LRRN1: variants seen among roughly 807,000 people sequenced by gnomAD.
LRRN1 encodes the protein leucine-rich repeat neuronal protein 1.
A neutral mutation model predicts 45.8 loss-of-function variants in LRRN1; 14 were observed. That is an observed-to-expected ratio of 0.31 (90% CI 0.20 to 0.48). The LOEUF (loss-of-function observed/expected upper bound fraction) is 0.48, where lower values mean the gene tolerates loss of function less well. LRRN1 is among the 20% of genes least tolerant of loss of function. The probability of loss-of-function intolerance (pLI) is 0.99; values close to 1 mark genes in which losing one functional copy is unlikely to be tolerated. For synonymous variants in LRRN1, 359 were observed against 330.1 expected, an observed-to-expected ratio of 1.09 and a Z score of -0.95; for missense variants, 789 against 874.2, an observed-to-expected ratio of 0.90 and a Z score of 1.23.
chr3:3,815,289 C>G (rs539680829), intron 1 of LRRN1, among the ~76,000 whole-genome samples: 8 of 152,152 alleles, frequency 5.3e-5, no homozygotes, highest in Non-Finnish European at 7.4e-5. Context: ...AGTGTGATGT[C>G]TCTGAACTCA....
rs1559314286 is a variant in LRRN1 at position 3,845,838 on chromosome 3, T to C, written c.1197T>C (p.Cys399=). 1.2e-6 allele frequency: 2 copies of C among 1,614,138 alleles called. No homozygotes were observed. The highest frequency in any genetic ancestry group is 1.7e-6 in the Non-Finnish European group (2 of 1,180,024). ...IRFMEPLSMF[C]AMPPEYKGHQ... is the part of the protein sequence containing the mutation. ...TCATGGAGCCCCTGTCCATGTTCTG[T>C]GCCATGCCGCCCGAATATAAAGGGC... Residue 399 remains cysteine (C), a synonymous_variant, in exon 2 of 2, where the codon TGT becomes TGC. Coordinates refer to ENST00000319331, the MANE Select transcript of LRRN1 (RefSeq NM_020873.7). This position sits in a 1 kb window ranked among gnomAD's most constrained non-coding sequence, Gnocchi z 6.5.
In LRRN1 at chr3:3,816,644, C is replaced by T. The variant is rs1220198757; in HGVS notation, c.-279+16725C>T. Among the ~76,000 whole-genome samples the T allele has an allele frequency of 6.6e-6, 1 of 152,030 alleles. No individual in the cohort carries two copies. The highest frequency in any genetic ancestry group is 1.9e-4 in the East Asian group (1 of 5,180). On this transcript the variant is annotated intron_variant, in intron 1 of 1. Transcript: ENST00000319331. The surrounding 1 kb of genome is among the most constrained non-coding windows in gnomAD (Gnocchi z 4.0). The stretch of plus-strand genomic sequence containing the variant: ...ATTAAAGGCAAAAATATAGGTATTA[C>T]AATTTGAAACTATAAAAGCTTTCTA...
intron 1 of LRRN1, among the ~76,000 whole-genome samples, chr3:3,829,728 G>C (rs1180122829): frequency 6.6e-6 from 1 of 152,168 alleles, no homozygotes; most frequent in African/African-American, 2.4e-5. Context: ...TGAGTGTCTT[G>C]GTCAGAGGCA....
At chr3:3,825,028 T>C (rs1693187664) in intron 1 of LRRN1, among the ~76,000 whole-genome samples, 1 of 152,204 alleles carries the variant, frequency 6.6e-6, no homozygotes, top group African/African-American at 2.4e-5. Context: ...GACTCTGAGG[T>C]CGACGTTATT....
chr3:3,814,445 C>T (rs1260676253), intron 1 of LRRN1, among the ~76,000 whole-genome samples: 1 of 151,918 alleles, frequency 6.6e-6, no homozygotes, highest in East Asian at 1.9e-4. Flanking sequence ...GTTCTGCATC[C>T]TGCGGTAGCT....
chr3:3,834,527 TATATATATATATATATATATATATATG>T (rs1002463339), intron 1 of LRRN1, among the ~76,000 whole-genome samples: 5 of 66,622 alleles, frequency 7.5e-5, no homozygotes, highest in Admixed American at 3.0e-4. Flanking sequence ...CAGAACAGGA[TATATATATATATATATATATATATATG>T]ATATATATAT....
chr3:3,836,737 G>C (rs1268090883), intron 1 of LRRN1, among the ~76,000 whole-genome samples: 2 of 152,184 alleles, frequency 1.3e-5, no homozygotes, highest in African/African-American at 4.8e-5. Flanking sequence ...ACAAAAAGGA[G>C]TGGGATATGG....
chr3:3,846,309 G>C lies in LRRN1; in HGVS notation c.1668G>C (p.Trp556Cys). 10 of 1,613,928 alleles carry C rather than the reference G, an allele frequency of 6.2e-6. No individual in the cohort carries two copies. Among genetic ancestry groups the C allele is most frequent in the Non-Finnish European group, 8.5e-6 (10 of 1,179,994 alleles). The change falls in exon 2 of 2, where the codon TGG (tryptophan) becomes TGC (cysteine). Residue 556 changes from tryptophan to cysteine, a missense_variant. Physicochemically the swap from Trp to Cys is radical, Grantham distance 215. Coordinates refer to ENST00000319331, the MANE Select transcript of LRRN1 (RefSeq NM_020873.7). The surrounding 1 kb of genome is among the most constrained non-coding windows in gnomAD (Gnocchi z 5.7). The stretch of plus-strand genomic sequence containing the variant: ...ATGTCATGACGTCAAACTTAAAATG[G>C]TCGTCTGCCACCATGAAGATTGATA... ...NSNVMTSNLK[W>C]SSATMKIDNP...
chr3:3,822,012 C>T (rs1443753523), intron 1 of LRRN1, among the ~76,000 whole-genome samples: 4 of 152,284 alleles, frequency 2.6e-5, no homozygotes, highest in Middle Eastern at 3.4e-3. Flanking sequence ...CCTGCCCAGA[C>T]GGATTGGGAT....
In LRRN1 at chr3:3,815,414, A is replaced by G. The variant is rs575168763; in HGVS notation, c.-279+15495A>G. 7.2e-4 allele frequency among the ~76,000 whole-genome samples: 109 copies of G among 152,228 alleles called. 1 individual carries two copies. The highest frequency in any genetic ancestry group is 2.5e-3 in the African/African-American group (104 of 41,536). On this transcript the variant is annotated intron_variant, in intron 1 of 1. Transcript: ENST00000319331. ...ACACAGAAGAGTTGCTCAATAAACT[A>G]TTCTAATTCATTTCTATCATTCCTG...
Position 3,846,702 on chromosome 3 carries a change from C to A in LRRN1, c.2061C>A (p.Leu687=), listed in dbSNP as rs1693786851. 6.2e-7 allele frequency: 1 copy of A among 1,614,006 alleles called. No individual in the cohort carries two copies. Among genetic ancestry groups the A allele is most frequent in the African/African-American group, 1.3e-5 (1 of 75,056 alleles). ...AGCTGTACCCACCACTCATTAACCT[C>A]TGGGAAGGTGACAGCGAGAAAGACA... is the stretch of plus-strand genomic sequence containing the variant. ...LNELYPPLIN[L]WEGDSEKDKD... Residue 687 remains leucine, a synonymous_variant, in exon 2 of 2, where the codon CTC becomes CTA. Transcript: ENST00000319331. This position sits in a 1 kb window ranked among gnomAD's most constrained non-coding sequence, Gnocchi z 5.7.
chr3:3,838,783 G>A (rs745897329), intron 1 of LRRN1, among the ~76,000 whole-genome samples: 9 of 152,050 alleles, frequency 5.9e-5, no homozygotes, highest in African/African-American at 1.4e-4. Context: ...TAGTGATATG[G>A]AGCATTTTTT....
chr3:3,845,673 G>A lies in LRRN1; in HGVS notation c.1032G>A (p.Leu344=), dbSNP rs1215082354. Residue 344 remains leucine (L), a synonymous_variant, in exon 2 of 2, where the codon CTG becomes CTA. Coordinates refer to ENST00000319331, the MANE Select transcript of LRRN1 (RefSeq NM_020873.7). The surrounding 1 kb of genome is among the most constrained non-coding windows in gnomAD (Gnocchi z 6.5). The stretch of plus-strand genomic sequence containing the variant: ...TCCCTGCTCTGGAAAGCTTGATGCT[G>A]AACAACAATGCCTTGAATGCCATTT... ...RSVPALESLM[L]NNNALNAIYQ... 3 of 1,613,862 alleles carry A rather than the reference G, an allele frequency of 1.9e-6. No homozygotes were observed. In the East Asian group the frequency reaches 6.7e-5, roughly 36 times the overall value.
intron 1 of LRRN1, among the ~76,000 whole-genome samples, chr3:3,836,527 G>A (rs541729233): frequency 1.3e-5 from 2 of 152,240 alleles, no homozygotes; most frequent in Admixed American, 1.3e-4. Flanking sequence ...AAGCTGGATA[G>A]TATTCCATTG....
rs575039951 is a variant in LRRN1 at position 3,845,964 on chromosome 3, G to A, written c.1323G>A (p.Thr441=). ...FPNRLNVDIG[T]TVFLDCRAMA... ...ATCGTTTAAACGTGGATATCGGCACGACGGTTTTCCTAGACTGTCGAGCCA... is the reference window on the plus strand; with the variant it reads ...ATCGTTTAAACGTGGATATCGGCACAACGGTTTTCCTAGACTGTCGAGCCA... The change falls in exon 2 of 2, where the codon ACG becomes ACA. Residue 441 remains threonine, a synonymous_variant. Coordinates refer to ENST00000319331, the MANE Select transcript of LRRN1 (RefSeq NM_020873.7). This position sits in a 1 kb window ranked among gnomAD's most constrained non-coding sequence, Gnocchi z 6.5. The A allele has an allele frequency of 1.1e-5, 18 of 1,614,066 alleles. No individual in the cohort carries two copies. Among genetic ancestry groups the A allele is most frequent in the African/African-American group, 6.7e-5 (5 of 75,022 alleles).
chr3:3,822,308 C>A (rs116812483), intron 1 of LRRN1, among the ~76,000 whole-genome samples: 56 of 152,286 alleles, frequency 3.7e-4, no homozygotes, highest in African/African-American at 7.7e-4. Flanking sequence ...GCCAAAACTA[C>A]CCTGCAATTA....
intron 1 of LRRN1, among the ~76,000 whole-genome samples, chr3:3,830,991 A>G (rs1693360036): frequency 1.3e-5 from 2 of 152,152 alleles, no homozygotes; most frequent in South Asian, 2.1e-4. Flanking sequence ...GGGCCTGCCA[A>G]AGGCTCCAAA....
At chr3:3,843,311 T>G (rs1335380419) in intron 1 of LRRN1, among the ~76,000 whole-genome samples, 1 of 152,192 alleles carries the variant, frequency 6.6e-6, no homozygotes, top group Non-Finnish European at 1.5e-5. Flanking sequence ...AATACATCTA[T>G]TGTGTATGTT....
rs947264741 is a variant in LRRN1, at chr3:3,845,503, C to T, written c.862C>T (p.Arg288Trp). The change falls in exon 2 of 2, where the codon CGG (arginine) becomes TGG (tryptophan). Residue 288 changes from arginine (R) to tryptophan (W), a missense_variant. Physicochemically the swap from Arg to Trp is moderately radical, Grantham distance 101. Transcript: ENST00000319331. This position sits in a 1 kb window ranked among gnomAD's most constrained non-coding sequence, Gnocchi z 6.5. Reference sequence around the variant, plus strand: ...AGAAGGGGACTTCAAAAATATGCTTCGGTTAAAAGAACTGGGAATCAACAA... The same window carrying T: ...AGAAGGGGACTTCAAAAATATGCTTTGGTTAAAAGAACTGGGAATCAACAA... The part of the protein sequence containing the change: ...IQEGDFKNML[R>W]LKELGINNMG... 16 of 1,613,932 alleles carry T rather than the reference C, an allele frequency of 9.9e-6. No individual in the cohort carries two copies. Among genetic ancestry groups the T allele is most frequent in the African/African-American group, 4.0e-5 (3 of 74,886 alleles).
Sources: gnomAD v4.1 joint callset for allele counts (sites outside exome capture counted in the v4.1 genomes callset) on GRCh38, gnomAD v4.1.1 for gene constraint, Gnocchi (gnomAD v3.1) non-coding constraint, MANE v1.5 for transcripts, NCBI Gene and HGNC (gene_info 2026-07-23, HGNC 2026-07-21) for gene names.